Variants in WWOX observed in about 807,000 individuals in gnomAD.
WWOX encodes the protein WW domain-containing oxidoreductase.
WWOX carries 69 observed loss-of-function variants against 46.2 expected under a neutral mutation model. The ratio of observed to expected loss-of-function variants is 1.49; its 90% CI spans 1.23 to 1.82. The LOEUF is 1.82. Among genes scored for constraint, WWOX ranks in the 40% most tolerant of loss-of-function variants. WWOX has a pLI of 0.00. For missense variants in WWOX, 919 were observed against 542.6 expected (o/e 1.69, Z -6.89); for synonymous variants, 359 against 202.6 (o/e 1.77, Z -6.56).
At chr16:78,624,594 A>T (rs2046267479) in intron 8 of WWOX, among the ~76,000 whole-genome samples, 1 of 152,268 alleles carries the variant, frequency 6.6e-6, no homozygotes, top group African/African-American at 2.4e-5. Flanking sequence ...GAACCCATCT[A>T]ACTTGGCAGA....
At chr16:79,133,896 T>A (rs367963241) in intron 8 of WWOX, among the ~76,000 whole-genome samples, 87 of 152,330 alleles carry the variant, frequency 5.7e-4, no homozygotes, top group African/African-American at 1.9e-3. Flanking sequence ...GTAGATTTTT[T>A]TGGGGGCATT....
rs1366525711 is a variant in WWOX at position 78,358,808 on chromosome 16, C to G, written c.517-28052C>G. ...AACAATTACTGTGAATTTTGTGTAG[C>G]TCTTTCTGACTTTTTAAAATTCAAA... is the stretch of plus-strand genomic sequence containing the variant. On this transcript the variant is annotated intron_variant, in intron 5 of 8. Transcript: ENST00000566780. Among the ~76,000 whole-genome samples the G allele has an allele frequency of 7.3e-5, 11 of 150,286 alleles. No individual in the cohort carries two copies. In the South Asian group the frequency reaches 8.4e-4, roughly 11 times the overall value.
At chr16:79,167,011 A>G (rs2050607664) in intron 8 of WWOX, among the ~76,000 whole-genome samples, 1 of 151,472 alleles carries the variant, frequency 6.6e-6, no homozygotes, top group African/African-American at 2.4e-5. Context: ...CCTGATCTCT[A>G]CTCTCTGCAA....
At chr16:78,224,949 C>T (rs1340313944) in intron 5 of WWOX, among the ~76,000 whole-genome samples, 4 of 152,082 alleles carry the variant, frequency 2.6e-5, no homozygotes, top group South Asian at 2.1e-4. Flanking sequence ...GGTGTCTTTA[C>T]GTTTGTGAAT....
At chr16:78,422,562 G>C (rs1007401729) in intron 6 of WWOX, among the ~76,000 whole-genome samples, 57 of 148,638 alleles carry the variant, frequency 3.8e-4, no homozygotes, top group African/African-American at 1.3e-3. Context: ...GCTCAGGCTG[G>C]TTTTGAATAC....
At chr16:78,356,069 C>A (rs1420912946) in intron 5 of WWOX, among the ~76,000 whole-genome samples, 5 of 12,182 alleles carry the variant, frequency 4.1e-4, no homozygotes, top group East Asian at 5.0e-4. Flanking sequence ...ATTTTTTTTT[C>A]CTAAAAAAAA....
intron 7 of WWOX, among the ~76,000 whole-genome samples, chr16:78,428,707 C>T (rs1465116730): frequency 2.6e-5 from 4 of 152,132 alleles, no homozygotes; most frequent in Admixed American, 2.6e-4. Flanking sequence ...GGACCTTATT[C>T]TTAACAGTAG....
intron 8 of WWOX, among the ~76,000 whole-genome samples, chr16:78,460,716 C>G (rs755029085): frequency 6.6e-6 from 1 of 152,200 alleles, no homozygotes; most frequent in Non-Finnish European, 1.5e-5. Context: ...ACTTTTTAAA[C>G]ATGACATTCG....
rs184551553 is a variant in WWOX, at chr16:78,202,044, G to T, written c.516+37755G>T. ...GATTTTTCCTCTTTAAACTCTACTTGTAACCACCCCTTTCCTTTCCCAAAC... is the reference window on the plus strand; with the variant it reads ...GATTTTTCCTCTTTAAACTCTACTTTTAACCACCCCTTTCCTTTCCCAAAC... On this transcript the variant is annotated intron_variant, in intron 5 of 8. Transcript: ENST00000566780. 2.0e-5 allele frequency among the ~76,000 whole-genome samples: 3 copies of T among 152,082 alleles called. No homozygotes were observed. The East Asian group carries it at 5.8e-4, about 29-fold the overall frequency.
rs144451419 is a variant in WWOX, at chr16:78,973,896, A to G, written c.1057-237712A>G. 2.0e-3 allele frequency among the ~76,000 whole-genome samples: 308 copies of G among 152,340 alleles called. 1 individual carries two copies. Among genetic ancestry groups the G allele is most frequent in the African/African-American group, 7.2e-3 (300 of 41,588 alleles). On this transcript the variant is annotated intron_variant, in intron 8 of 8. Transcript: ENST00000566780. The stretch of plus-strand genomic sequence containing the variant: ...TATCTCCAACTAGGGAAAAATTTGC[A>G]TGTGTAGAATTTTGGTTTTTTCTTC...
chr16:78,448,092 C>G (rs1394179832), intron 8 of WWOX, among the ~76,000 whole-genome samples: 1 of 152,154 alleles, frequency 6.6e-6, no homozygotes, highest in Non-Finnish European at 1.5e-5. Context: ...GTGTGAACCA[C>G]TGCTTCTGGC....
In WWOX at chr16:78,348,238, G is replaced by A. The variant is rs1186140065; in HGVS notation, c.517-38622G>A. Reference sequence around the variant, plus strand: ...AAGCCCAGAAGAGACTTCATGTACTGTGACTGTAATAAAGAGGGTTGTAAG... The same window carrying A: ...AAGCCCAGAAGAGACTTCATGTACTATGACTGTAATAAAGAGGGTTGTAAG... On this transcript the variant is annotated intron_variant, in intron 5 of 8. Transcript: ENST00000566780. Among the ~76,000 whole-genome samples, 2 of 121,424 alleles carry A rather than the reference G, an allele frequency of 1.6e-5. 1 individual carries two copies. The highest frequency in any genetic ancestry group is 5.6e-5 in the African/African-American group (2 of 35,740). The allele number at this position is 121,424 out of a possible 152,430, so 79.7% of individuals were successfully genotyped here.
At chr16:78,899,012 G>C (rs1001772911) in intron 8 of WWOX, 2 of 151,950 alleles carry the variant, frequency 1.3e-5, no homozygotes, top group East Asian at 1.9e-4. Flanking sequence ...TTGTTAAATA[G>C]ATTCTGTAGA....
At chr16:78,584,055 G>C (rs1409387401) in intron 8 of WWOX, among the ~76,000 whole-genome samples, 1 of 152,132 alleles carries the variant, frequency 6.6e-6, no homozygotes, top group Non-Finnish European at 1.5e-5. Context: ...TTCTTTTTGT[G>C]ATCACAGTGT....
At chr16:78,419,198 A>G (rs1410988603) in intron 6 of WWOX, among the ~76,000 whole-genome samples, 3 of 152,188 alleles carry the variant, frequency 2.0e-5, no homozygotes, top group South Asian at 4.1e-4. Flanking sequence ...TTAATATTGT[A>G]TAGCTGACCA....
intron 8 of WWOX, among the ~76,000 whole-genome samples, chr16:78,717,926 G>A (rs1373020719): frequency 6.6e-6 from 1 of 152,126 alleles, no homozygotes; most frequent in Non-Finnish European, 1.5e-5. Context: ...CCAACACCAA[G>A]TGTCTTATTG....
chr16:78,817,785 G>C (rs567477757), intron 8 of WWOX, among the ~76,000 whole-genome samples: 1 of 152,114 alleles, frequency 6.6e-6, no homozygotes, highest in African/African-American at 2.4e-5. Flanking sequence ...CTCACCCTCT[G>C]TCTTGGATGG....
intron 8 of WWOX, among the ~76,000 whole-genome samples, chr16:78,999,059 T>C (rs889924120): frequency 1.3e-5 from 2 of 152,070 alleles, no homozygotes; most frequent in Non-Finnish European, 2.9e-5. Context: ...GCTAGAAATA[T>C]TCCGGACGTG....
At chr16:78,191,233 C>T (rs779910134) in intron 5 of WWOX, among the ~76,000 whole-genome samples, 5 of 152,158 alleles carry the variant, frequency 3.3e-5, no homozygotes, top group Admixed American at 6.5e-5. Context: ...GCCCCCTCCT[C>T]TTGGGGCCCA....
Sources: gnomAD v4.1 joint callset for allele counts (sites outside exome capture counted in the v4.1 genomes callset) on GRCh38, gnomAD v4.1.1 for gene constraint, MANE v1.5 for transcripts, NCBI Gene and HGNC (gene_info 2026-07-23, HGNC 2026-07-21) for gene names.